ASCC2: variants seen among roughly 807,000 people sequenced by gnomAD.
ASCC2 encodes the protein ASC-1 complex subunit P100.
In ASCC2, 42 loss-of-function variants were observed where a neutral mutation model predicts 93.5. The ratio of observed to expected loss-of-function variants is 0.45; its 90% CI spans 0.35 to 0.58. The LOEUF is 0.58. ASCC2 is among the 20% of genes least tolerant of loss of function. The probability of loss-of-function intolerance (pLI) is 0.00; values close to 1 mark genes in which losing one functional copy is unlikely to be tolerated. For missense variants in ASCC2, 859 were observed against 977.6 expected (o/e 0.88, Z 1.62); for synonymous variants, 364 against 384.2 (o/e 0.95, Z 0.62).
intron 14 of ASCC2, 63 bp from the exon 15 acceptor site, chr22:29,801,173 A>G: frequency 1.3e-6 from 2 of 1,529,242 alleles, no homozygotes; most frequent in Middle Eastern, 1.8e-4. Flanking sequence ...TCTGCACCCC[A>G]CTTCCCCCTG....
At chr22:29,824,611 T>A (rs1046528702) in intron 4 of ASCC2, among the ~76,000 whole-genome samples, 2 of 152,034 alleles carry the variant, frequency 1.3e-5, no homozygotes, top group Non-Finnish European at 2.9e-5. Flanking sequence ...TGACACCCTG[T>A]CTCAAAAAAA....
rs1311430600 is a variant in ASCC2 at position 29,832,266 on chromosome 22, C to G, written c.60G>C (p.Lys20Asn). 1 of 1,613,916 alleles carries G rather than the reference C, an allele frequency of 6.2e-7. No individual in the cohort carries two copies. The highest frequency in any genetic ancestry group is 2.2e-5 in the East Asian group (1 of 44,890). ...QITHKDPKTGKLRTSPALHPE... is the reference protein window; with the variant it reads ...QITHKDPKTGNLRTSPALHPE... ...TCACCAGCGCTGGTGAAGTCCTCAG[C>G]TTTCCTGTCTTCGGGTCCTTGTGGG... The change falls in exon 2 of 20, where the codon AAG (lysine) becomes AAC (asparagine). Residue 20 changes from lysine to asparagine, a missense_variant. Physicochemically the swap from Lys to Asn is moderately conservative, Grantham distance 94. Coordinates refer to ENST00000307790, the MANE Select transcript of ASCC2 (RefSeq NM_032204.5).
intron 5 of ASCC2, 93 bp downstream of exon 5, chr22:29,822,242 C>T (rs2061654972): frequency 1.3e-6 from 2 of 1,541,376 alleles, no homozygotes; most frequent in Non-Finnish European, 1.8e-6. Flanking sequence ...GCCCTGAGTC[C>T]CTGGGCACTG....
chr22:29,827,441 T>G, intron 2 of ASCC2: 2 of 361,334 alleles, frequency 5.5e-6, no homozygotes, highest in Non-Finnish European at 1.1e-5. Context: ...GAGGTCAGCC[T>G]CCTCAAGAAC....
intron 12 of ASCC2, among the ~76,000 whole-genome samples, chr22:29,805,639 C>T (rs1380757129): frequency 1.3e-5 from 2 of 152,168 alleles, no homozygotes; most frequent in Admixed American, 1.3e-4. Flanking sequence ...CACCCCAATT[C>T]CTCCTCTTGG....
chr22:29,833,722 GAAGA>G, intron 1 of ASCC2: 2 of 441,618 alleles, frequency 4.5e-6, no homozygotes, highest in South Asian at 3.3e-5. Context: ...ATGACAACAT[GAAGA>G]GAGACAGAGG....
intron 4 of ASCC2, 135 bp from the exon 5 acceptor site, chr22:29,822,599 G>T: frequency 1.1e-6 from 1 of 924,226 alleles, no homozygotes; most frequent in Non-Finnish European, 1.5e-6. Flanking sequence ...TAGACCTGGA[G>T]CAATGGCCAT....
chr22:29,805,918 C>T (rs984764470), intron 12 of ASCC2, among the ~76,000 whole-genome samples: 6 of 151,992 alleles, frequency 3.9e-5, no homozygotes, highest in African/African-American at 1.2e-4. Context: ...TGCCTGTTTA[C>T]TTGTCCACCT....
At chr22:29,824,423 T>C (rs1200319068) in intron 4 of ASCC2, among the ~76,000 whole-genome samples, 1 of 152,050 alleles carries the variant, frequency 6.6e-6, no homozygotes, top group Non-Finnish European at 1.5e-5. Context: ...AAGACTAGCC[T>C]GAGAAACATA....
Position 29,788,621 on chromosome 22 carries a change from T to G in ASCC2, c.*392A>C. 2 of 235,602 alleles carry G rather than the reference T, an allele frequency of 8.5e-6. No homozygotes were observed. Among genetic ancestry groups the G allele is most frequent in the Non-Finnish European group, 8.4e-6 (1 of 118,412 alleles). The allele number at this position is 235,602 out of a possible 1,614,324, so 14.6% of individuals were successfully genotyped here. On this transcript the variant is annotated 3_prime_UTR_variant, in exon 20 of 20. Transcript: ENST00000307790. ...GACATACACAGATCGTTTGAAAGGG[T>G]CAAAAATTTTATTAGCAGGACTTTT...
In ASCC2 at chr22:29,802,114, C is replaced by T; in HGVS notation, c.1448G>A (p.Gly483Asp). 2 of 1,614,250 alleles carry T rather than the reference C, an allele frequency of 1.2e-6. No homozygotes were observed. The highest frequency in any genetic ancestry group is 1.7e-5 in the Admixed American group (1 of 60,032). The change falls in exon 14 of 20, where the codon GGT becomes GAT. Residue 483 changes from glycine (G) to aspartate (D), a missense_variant. Coordinates refer to ENST00000307790, the MANE Select transcript of ASCC2 (RefSeq NM_032204.5). ...CAGGCAGGCCAGGATGAAGCCCTCA[C>T]CAAGGTCTGGCAGCAGGTCCTTCAC... The part of the protein sequence containing the change: ...SQVKDLLPDL[G>D]EGFILACLEY...
chr22:29,820,117 G>A (rs1046694132), intron 5 of ASCC2, among the ~76,000 whole-genome samples: 1 of 151,806 alleles, frequency 6.6e-6, no homozygotes, highest in African/African-American at 2.4e-5. Flanking sequence ...AGATATGAAT[G>A]AGAAACCAGA....
Position 29,788,817 on chromosome 22 carries a change from T to TA in ASCC2, c.*195dup. On this transcript the variant is annotated 3_prime_UTR_variant, in exon 20 of 20. Transcript: ENST00000307790. ...CCCCACGGATTCTTCGGCTGTGGCA[T>TA]AAGGCACTGTGTGTTCTGCAGGAAG... 3.2e-6 allele frequency: 2 copies of TA among 631,220 alleles called. No individual in the cohort carries two copies. The highest frequency in any genetic ancestry group is 5.5e-6 in the Non-Finnish European group (2 of 366,626). 39.1% of individuals were successfully genotyped at this position (631,220 alleles called of 1,614,324 possible).
rs2059153442 is a variant in ASCC2, at chr22:29,802,096, G to C, written c.1466C>G (p.Ala489Gly). 11 of 1,614,104 alleles carry C rather than the reference G, an allele frequency of 6.8e-6. No homozygotes were observed. Among genetic ancestry groups the C allele is most frequent in the Non-Finnish European group, 9.3e-6 (11 of 1,180,048 alleles). The change falls in exon 14 of 20, where the codon GCC (alanine) becomes GGC (glycine). Residue 489 changes from alanine to glycine, a missense_variant. By Grantham distance (60) the Ala-to-Gly change is moderately conservative. Transcript: ENST00000307790. The part of the protein sequence containing the change: ...LPDLGEGFIL[A>G]CLEYYHYDPE... Reference sequence around the variant, plus strand: ...GTCGTAGTGGTAGTACTCCAGGCAGGCCAGGATGAAGCCCTCACCAAGGTC... The same window carrying C: ...GTCGTAGTGGTAGTACTCCAGGCAGCCCAGGATGAAGCCCTCACCAAGGTC...
chr22:29,832,146 G>A (rs781499317), intron 2 of ASCC2, 99 bp downstream of exon 2: 14 of 1,022,220 alleles, frequency 1.4e-5, no homozygotes, highest in African/African-American at 6.4e-5. Context: ...CATGGCCCTC[G>A]TGTCATTCTT....
Position 29,825,832 on chromosome 22 carries a change from C to A in ASCC2, c.82-52G>T. 1 of 1,556,234 alleles carries A rather than the reference C, an allele frequency of 6.4e-7. No homozygotes were observed. The highest frequency in any genetic ancestry group is 8.7e-7 in the Non-Finnish European group (1 of 1,149,034). On this transcript the variant is annotated intron_variant, in intron 2 of 19. Transcript: ENST00000307790. The surrounding 1 kb of genome is among the most constrained non-coding windows in gnomAD (Gnocchi z 4.9). ...CGTGGCAGAGGTTAGTCAGCGAGGGCCCATTTGCCAACCCACAGCAATGAC... is the reference window on the plus strand; with the variant it reads ...CGTGGCAGAGGTTAGTCAGCGAGGGACCATTTGCCAACCCACAGCAATGAC...
At chr22:29,796,530 G>A (rs551936013) in intron 15 of ASCC2, among the ~76,000 whole-genome samples, 1 of 152,232 alleles carries the variant, frequency 6.6e-6, no homozygotes, top group Non-Finnish European at 1.5e-5. Context: ...CACGGTAGGG[G>A]GTTACTTGAT....
Position 29,825,598 on chromosome 22 carries a change from G to A in ASCC2, c.240+24C>T. The A allele has an allele frequency of 6.2e-7, 1 of 1,614,116 alleles. No homozygotes were observed. The highest frequency in any genetic ancestry group is 8.5e-7 in the Non-Finnish European group (1 of 1,179,970). ...ATGGCATGTCATGTGCTTTGTCTTA[G>A]CGTTAATTTTGATAGAATGTTACCT... On this transcript the variant is annotated intron_variant, in intron 3 of 19. Transcript: ENST00000307790. The surrounding 1 kb of genome is among the most constrained non-coding windows in gnomAD (Gnocchi z 4.9).
At chr22:29,808,089 C>T (rs774274436) in intron 9 of ASCC2, 22 bp downstream of exon 9, 1 of 1,613,358 alleles carries the variant, frequency 6.2e-7, no homozygotes, top group East Asian at 2.2e-5. Context: ...CAACAACATT[C>T]TTAATTTTGT....
Sources: allele counts gnomAD v4.1 joint callset (sites outside exome capture counted in the v4.1 genomes callset), GRCh38; gene constraint gnomAD v4.1.1; non-coding constraint Gnocchi (gnomAD v3.1); transcripts MANE v1.5; gene names NCBI Gene and HGNC (gene_info 2026-07-23, HGNC 2026-07-21).